Variants in DOK6 observed in about 807,000 individuals in gnomAD.
DOK6 encodes docking protein 6.
A neutral mutation model predicts 44.0 loss-of-function variants in DOK6; 22 were observed. The observed-to-expected ratio is 0.50, with a 90% CI of 0.36 to 0.71. DOK6 has a LOEUF of 0.71. DOK6 is among the 30% of genes least tolerant of loss of function. The probability of loss-of-function intolerance (pLI) is 0.00; values close to 1 mark genes in which losing one functional copy is unlikely to be tolerated. For missense variants in DOK6, 340 were observed against 416.4 expected, an observed-to-expected ratio of 0.82 and a Z score of 1.60; for synonymous variants, 166 against 145.5, an observed-to-expected ratio of 1.14 and a Z score of -1.01.
At chr18:69,662,111 C>T (rs1414752276) in intron 3 of DOK6, 1 of 152,242 alleles carries the variant, frequency 6.6e-6, no homozygotes, top group Admixed American at 6.5e-5. Context: ...TCCTGAGTAG[C>T]TGGGATTACA....
chr18:69,522,236 A>G (rs1279423040), intron 1 of DOK6, among the ~76,000 whole-genome samples: 2 of 151,516 alleles, frequency 1.3e-5, no homozygotes, highest in African/African-American at 2.4e-5. Context: ...ACACACATAC[A>G]CACACACACA....
chr18:69,782,208 AGATTTTTTTTTTTT>A (rs1980291936), intron 7 of DOK6, among the ~76,000 whole-genome samples: 1 of 130,536 alleles, frequency 7.7e-6, no homozygotes, highest in Non-Finnish European at 1.6e-5. Context: ...ATGTGTTCTA[AGATTTTTTTTTTTT>A]TTTTTTTGAG....
intron 7 of DOK6, among the ~76,000 whole-genome samples, chr18:69,816,546 G>A (rs1409045013): frequency 2.6e-5 from 4 of 152,094 alleles, no homozygotes; most frequent in Non-Finnish European, 5.9e-5. Flanking sequence ...CTTCCTCCAC[G>A]ATAAACATAA....
chr18:69,571,692 A>C (rs1983118095), intron 2 of DOK6, among the ~76,000 whole-genome samples: 1 of 152,094 alleles, frequency 6.6e-6, no homozygotes, highest in Non-Finnish European at 1.5e-5. Context: ...AAAATCACAA[A>C]TTTTATGGAA....
At chr18:69,586,082 C>T (rs1472372042) in intron 2 of DOK6, among the ~76,000 whole-genome samples, 1 of 152,180 alleles carries the variant, frequency 6.6e-6, no homozygotes, top group Non-Finnish European at 1.5e-5. Flanking sequence ...TCCCAGCTGT[C>T]AGATGTGTGC....
rs543638080 is a variant in DOK6, at chr18:69,727,313, G to A, written c.600-11652G>A. ...GAACACAAACATTCAGACCATAGCA[G>A]ACTGTTTTGTGAAGTGGCTGAAATC... On this transcript the variant is annotated intron_variant, in intron 5 of 7. Transcript: ENST00000382713. Among the ~76,000 whole-genome samples the A allele has an allele frequency of 3.8e-3, 585 of 152,290 alleles. 1 individual carries two copies. Among genetic ancestry groups the A allele is most frequent in the Non-Finnish European group, 7.3e-3 (498 of 68,012 alleles).
chr18:69,547,097 G>A (rs1450772639), intron 1 of DOK6, among the ~76,000 whole-genome samples: 1 of 151,164 alleles, frequency 6.6e-6, no homozygotes. Flanking sequence ...CTTTTTTGTT[G>A]TTTGTTTGTT....
At chr18:69,713,893 C>T (rs1986824968) in intron 5 of DOK6, among the ~76,000 whole-genome samples, 1 of 152,172 alleles carries the variant, frequency 6.6e-6, no homozygotes, top group African/African-American at 2.4e-5. Context: ...AGCTCCCAGT[C>T]TTGGCTCTAA....
At chr18:69,464,819 T>C (rs1056402255) in intron 1 of DOK6, among the ~76,000 whole-genome samples, 2 of 152,200 alleles carry the variant, frequency 1.3e-5, no homozygotes, top group Non-Finnish European at 2.9e-5. Flanking sequence ...TCTAGGAAAG[T>C]ATTGGCAGTT....
At chr18:69,430,293 G>T (rs919888734) in intron 1 of DOK6, among the ~76,000 whole-genome samples, 3 of 152,176 alleles carry the variant, frequency 2.0e-5, no homozygotes, top group Admixed American at 2.0e-4. Flanking sequence ...GAAAGGGACT[G>T]TAGTTAATGA....
chr18:69,568,120 C>T (rs1334714156), intron 2 of DOK6, among the ~76,000 whole-genome samples: 1 of 152,208 alleles, frequency 6.6e-6, no homozygotes, highest in East Asian at 1.9e-4. Flanking sequence ...TGTGCCCTGG[C>T]TCCCCCATGT....
At chr18:69,498,973 C>G (rs1161247926) in intron 1 of DOK6, among the ~76,000 whole-genome samples, 1 of 152,130 alleles carries the variant, frequency 6.6e-6, no homozygotes, top group Non-Finnish European at 1.5e-5. Context: ...GAAAAATCTT[C>G]CCTTGTTTTA....
chr18:69,502,018 G>A (rs1981062679), intron 1 of DOK6, among the ~76,000 whole-genome samples: 1 of 152,010 alleles, frequency 6.6e-6, no homozygotes. Context: ...AGCCAGGAGA[G>A]CTATTATTTC....
In DOK6 at chr18:69,595,983, T is replaced by C. The variant is rs564965315; in HGVS notation, c.175-3401T>C. Among the ~76,000 whole-genome samples the C allele has an allele frequency of 1.2e-3, 190 of 152,246 alleles. 2 individuals carry two copies. The highest frequency in any genetic ancestry group is 4.3e-3 in the African/African-American group (180 of 41,568). ...CTCTTTCCAAAAACACCTGACTTCA[T>C]TTTCAACCGGGTGTGGAAAAGTTTA... On this transcript the variant is annotated intron_variant, in intron 2 of 7. Coordinates refer to ENST00000382713, the MANE Select transcript of DOK6 (RefSeq NM_152721.6).
intron 1 of DOK6, among the ~76,000 whole-genome samples, chr18:69,538,310 T>C (rs1009217433): frequency 6.6e-6 from 1 of 152,160 alleles, no homozygotes. Context: ...TTTTAAAGCA[T>C]GCTATTCATT....
At chr18:69,753,569 A>G (rs964588830) in intron 6 of DOK6, among the ~76,000 whole-genome samples, 2 of 152,250 alleles carry the variant, frequency 1.3e-5, no homozygotes, top group African/African-American at 4.8e-5. Context: ...CTCATATCCT[A>G]GAAAACTGAC....
intron 3 of DOK6, among the ~76,000 whole-genome samples, chr18:69,657,961 G>A (rs1447825773): frequency 2.6e-5 from 4 of 151,858 alleles, no homozygotes; most frequent in Admixed American, 6.6e-5. Context: ...TTGTTTGTTT[G>A]TTTGCTTTTG....
chr18:69,434,987 G>GGAAGGAAGGAAGGAAA (rs1978919997), intron 1 of DOK6, among the ~76,000 whole-genome samples: 1 of 133,226 alleles, frequency 7.5e-6, no homozygotes, highest in South Asian at 2.6e-4. Flanking sequence ...AAGGAAAGAA[G>GGAAGGAAGGAAGGAAA]GAAGGAAGGA....
chr18:69,648,451 T>C (rs1479678653), intron 3 of DOK6, among the ~76,000 whole-genome samples: 1 of 152,176 alleles, frequency 6.6e-6, no homozygotes, highest in East Asian at 1.9e-4. Context: ...AAAATATTTT[T>C]CAAAGCCCAT....
Sources: gnomAD v4.1 joint callset for allele counts (sites outside exome capture counted in the v4.1 genomes callset) on GRCh38, gnomAD v4.1.1 for gene constraint, MANE v1.5 for transcripts, NCBI Gene and HGNC (gene_info 2026-07-23, HGNC 2026-07-21) for gene names.